Variants in TMTC2 observed in about 807,000 individuals in gnomAD.
TMTC2 encodes the protein protein O-mannosyl-transferase TMTC2.
TMTC2 carries 43 observed loss-of-function variants against 82.4 expected under a neutral mutation model. That is an observed-to-expected ratio of 0.52 (90% CI 0.41 to 0.67). The LOEUF (loss-of-function observed/expected upper bound fraction) is 0.67. Among genes scored for constraint, TMTC2 ranks in the 30% least tolerant of loss-of-function variants. TMTC2 has a pLI of 0.00. For synonymous variants in TMTC2, 408 were observed against 381.9 expected, an observed-to-expected ratio of 1.07 and a Z score of -0.80; for missense variants, 919 against 1,012.4, an observed-to-expected ratio of 0.91 and a Z score of 1.25.
intron 2 of TMTC2, among the ~76,000 whole-genome samples, chr12:82,885,572 G>A (rs1000349105): frequency 1.3e-5 from 2 of 150,430 alleles, no homozygotes; most frequent in Non-Finnish European, 3.0e-5. Flanking sequence ...ATTTTATTAT[G>A]TTGCCCAAGT....
At chr12:82,949,467 A>T (rs2137276717) in intron 4 of TMTC2, among the ~76,000 whole-genome samples, 3 of 152,282 alleles carry the variant, frequency 2.0e-5, no homozygotes, top group Admixed American at 2.0e-4. Flanking sequence ...GAAAGGGGAA[A>T]AGTTGCTTTT....
intron 11 of TMTC2, among the ~76,000 whole-genome samples, chr12:83,071,871 A>G (rs532107926): frequency 6.6e-6 from 1 of 151,816 alleles, no homozygotes; most frequent in Non-Finnish European, 1.5e-5. Flanking sequence ...TCGTTTTCTT[A>G]GTGAGGTTAT....
intron 1 of TMTC2, among the ~76,000 whole-genome samples, chr12:82,747,102 C>T (rs1366069046): frequency 6.6e-6 from 1 of 152,166 alleles, no homozygotes; most frequent in Non-Finnish European, 1.5e-5. Flanking sequence ...GAACTGTGAG[C>T]CAGTGAGTTT....
Position 82,737,596 on chromosome 12 carries a change from G to T in TMTC2, c.83+49927G>T, listed in dbSNP as rs140114785. On this transcript the variant is annotated intron_variant, in intron 1 of 11. Transcript: ENST00000321196. ...AGATGCCAGTATAAGCAACATAATAGGCTTGCAGTTTGGTTTTGTTTGTAT... is the reference window on the plus strand; with the variant it reads ...AGATGCCAGTATAAGCAACATAATATGCTTGCAGTTTGGTTTTGTTTGTAT... Among the ~76,000 whole-genome samples the T allele has an allele frequency of 3.1e-3, 469 of 152,308 alleles. 1 individual carries two copies. Among genetic ancestry groups the T allele is most frequent in the Non-Finnish European group, 3.8e-3 (258 of 68,008 alleles).
chr12:83,129,233 T>G (rs1885189028), intron 11 of TMTC2, among the ~76,000 whole-genome samples: 1 of 152,224 alleles, frequency 6.6e-6, no homozygotes, highest in Non-Finnish European at 1.5e-5. Flanking sequence ...ATTTTTAGTT[T>G]CCATATTTTT....
chr12:82,876,456 T>G (rs1323037105), intron 2 of TMTC2, among the ~76,000 whole-genome samples: 4 of 152,226 alleles, frequency 2.6e-5, no homozygotes, highest in Admixed American at 2.0e-4. Context: ...ATGGGCCGTG[T>G]TTTTTCCATC....
chr12:83,101,088 TAAGTA>T (rs1223102994), intron 11 of TMTC2, among the ~76,000 whole-genome samples: 2 of 152,230 alleles, frequency 1.3e-5, no homozygotes, highest in Non-Finnish European at 2.9e-5. Flanking sequence ...ATTTCTAAAT[TAAGTA>T]AATTACAGTA....
intron 1 of TMTC2, among the ~76,000 whole-genome samples, chr12:82,747,586 A>G (rs1305642006): frequency 6.6e-6 from 1 of 152,218 alleles, no homozygotes; most frequent in Non-Finnish European, 1.5e-5. Flanking sequence ...TTTTTTGTCT[A>G]AAGATTTTAG....
At chr12:83,122,605 G>C (rs1884989096) in intron 11 of TMTC2, among the ~76,000 whole-genome samples, 1 of 152,132 alleles carries the variant, frequency 6.6e-6, no homozygotes, top group African/African-American at 2.4e-5. Flanking sequence ...CGCCAGTGGG[G>C]GTGTGTGTTC....
chr12:82,955,912 A>G (rs1205237177), intron 4 of TMTC2, among the ~76,000 whole-genome samples: 1 of 152,164 alleles, frequency 6.6e-6, no homozygotes, highest in African/African-American at 2.4e-5. Flanking sequence ...ATAATTTAAG[A>G]GACTGGAAAT....
chr12:83,081,689 A>G (rs769924837), intron 11 of TMTC2, among the ~76,000 whole-genome samples: 1 of 152,200 alleles, frequency 6.6e-6, no homozygotes, highest in Non-Finnish European at 1.5e-5. Context: ...ATAAAGCAAC[A>G]TACATTCACC....
chr12:82,770,699 C>T (rs1170947154), intron 1 of TMTC2, among the ~76,000 whole-genome samples: 1 of 152,096 alleles, frequency 6.6e-6, no homozygotes, highest in Non-Finnish European at 1.5e-5. Flanking sequence ...GTTGCCCAGG[C>T]CAGACAGGAA....
intron 8 of TMTC2, among the ~76,000 whole-genome samples, chr12:83,020,057 A>T (rs1880844072): frequency 6.6e-6 from 1 of 152,204 alleles, no homozygotes; most frequent in Admixed American, 6.5e-5. Flanking sequence ...TTAGCTAATC[A>T]TACAAATATT....
rs558839295 is a variant in TMTC2 at position 83,021,554 on chromosome 12, C to G, written c.2071-9244C>G. ...AGGTTGCAGTGAGCTATAATCATGC[C>G]ACTACACTCCAGCCTAGGCAACAGA... On this transcript the variant is annotated intron_variant, in intron 8 of 11. Transcript: ENST00000321196. Among the ~76,000 whole-genome samples, 11 of 152,134 alleles carry G rather than the reference C, an allele frequency of 7.2e-5. 1 individual carries two copies. In the East Asian group the frequency reaches 2.1e-3, roughly 30 times the overall value.
intron 8 of TMTC2, among the ~76,000 whole-genome samples, chr12:83,018,663 G>T (rs1425376741): frequency 1.5e-4 from 22 of 143,492 alleles, no homozygotes; most frequent in African/African-American, 3.8e-4. Flanking sequence ...AAATTTGCGG[G>T]TTTTTTTTTT....
intron 1 of TMTC2, among the ~76,000 whole-genome samples, chr12:82,806,176 C>T (rs1879233178): frequency 6.6e-6 from 1 of 152,060 alleles, no homozygotes; most frequent in Non-Finnish European, 1.5e-5. Flanking sequence ...TGGCAGCAAT[C>T]TAAGTGGTTC....
intron 1 of TMTC2, among the ~76,000 whole-genome samples, chr12:82,844,357 A>T (rs1040930259): frequency 6.6e-6 from 1 of 152,238 alleles, no homozygotes; most frequent in Admixed American, 6.5e-5. Flanking sequence ...TTAGCTTGCC[A>T]TGCCTGCATC....
intron 8 of TMTC2, among the ~76,000 whole-genome samples, chr12:83,030,432 G>A (rs10862571): frequency 0.11 from 16,574 of 152,088 alleles, 1,477 homozygotes; most frequent in East Asian, 0.27. Context: ...TGAAGAGGAA[G>A]CAAATGAAAG....
intron 8 of TMTC2, among the ~76,000 whole-genome samples, chr12:83,010,268 C>T (rs772527059): frequency 7.2e-5 from 11 of 152,030 alleles, no homozygotes; most frequent in Non-Finnish European, 1.3e-4. Flanking sequence ...TAGAGATTGA[C>T]CCTCCCATTC....
Sources: gnomAD v4.1 joint callset for allele counts (sites outside exome capture counted in the v4.1 genomes callset) on GRCh38, gnomAD v4.1.1 for gene constraint, MANE v1.5 for transcripts, NCBI Gene and HGNC (gene_info 2026-07-23, HGNC 2026-07-21) for gene names.